Variants in STAG1 observed in about 807,000 individuals in gnomAD.
The protein encoded by STAG1 is STAG1 cohesin complex component.
STAG1 carries 26 observed loss-of-function variants against 170.9 expected under a neutral mutation model. That is an observed-to-expected ratio of 0.15 (90% CI 0.11 to 0.21). The LOEUF (loss-of-function observed/expected upper bound fraction) is 0.21, where lower values mean the gene tolerates loss of function less well. Ranked by LOEUF, STAG1 falls within the 10% of genes least tolerant of loss-of-function variation. The probability of loss-of-function intolerance (pLI) is 1.00; values close to 1 mark genes in which losing one functional copy is unlikely to be tolerated. For synonymous variants in STAG1, 514 were observed against 497.7 expected (o/e 1.03, Z -0.44); for missense variants, 964 against 1,509.5 (o/e 0.64, Z 5.99).
rs1334796368 is a variant in STAG1 at position 136,479,108 on chromosome 3, G to A, written c.903-1696C>T. Among the ~76,000 whole-genome samples, 7 of 140,124 alleles carry A rather than the reference G, an allele frequency of 5.0e-5. No homozygotes were observed. The Admixed American group carries it at 5.2e-4, about 10-fold the overall frequency. 91.9% of individuals were successfully genotyped at this position (140,124 alleles called of 152,430 possible). ...TTTTTTTATTATACTTTAAGTTTTA[G>A]GGTACATGTGCACATTGTGCAGGTT... On this transcript the variant is annotated intron_variant, in intron 9 of 33. Transcript: ENST00000383202.
chr3:136,646,211 CCTT>C (rs1448325613), intron 1 of STAG1, among the ~76,000 whole-genome samples: 2 of 152,130 alleles, frequency 1.3e-5, no homozygotes, highest in Non-Finnish European at 2.9e-5. Flanking sequence ...CACAAACACT[CCTT>C]CTAGGCTCAA....
chr3:136,587,433 G>A (rs143812596), intron 4 of STAG1, among the ~76,000 whole-genome samples: 8 of 151,402 alleles, frequency 5.3e-5, no homozygotes, highest in East Asian at 1.9e-4. Flanking sequence ...CCAGCTACTC[G>A]GGAGGCTGAG....
At position 136,452,100 on chromosome 3, in the gene STAG1, C is replaced by T. The variant is rs200947239; in HGVS notation, c.1361G>A (p.Arg454Lys). 2 of 1,613,562 alleles carry T rather than the reference C, an allele frequency of 1.2e-6. No individual in the cohort carries two copies. Among genetic ancestry groups the T allele is most frequent in the South Asian group, 1.1e-5 (1 of 91,040 alleles). Residue 454 changes from arginine (R) to lysine (K), a missense_variant, in exon 14 of 34, where the codon AGG (arginine) becomes AAG (lysine). By Grantham distance (26) the Arg-to-Lys change is conservative. This residue lies in a region of STAG1 where 162 missense variants were observed against 211.2 expected (regional missense o/e 0.77). Coordinates refer to ENST00000383202, the MANE Select transcript of STAG1 (RefSeq NM_005862.3). ...TCCATTCGGGCTGTTTCTTCCCCTC[C>T]TCTTTGCTAATGCTTCTTCTGCTTG... ...DPQAEEALAK[R>K]RGRNSPNGNL...
intron 4 of STAG1, among the ~76,000 whole-genome samples, chr3:136,569,529 C>G (rs1937196257): frequency 6.6e-6 from 1 of 151,326 alleles, no homozygotes; most frequent in Admixed American, 6.6e-5. Flanking sequence ...AATTAAAGAA[C>G]AAGGCAAGGA....
At chr3:136,532,264 G>A (rs1376166596) in intron 6 of STAG1, among the ~76,000 whole-genome samples, 2 of 152,078 alleles carry the variant, frequency 1.3e-5, no homozygotes, top group African/African-American at 4.8e-5. Flanking sequence ...GATGTCTGTT[G>A]ACTTTGGTTT....
Position 136,630,986 on chromosome 3 carries a change from C to A in STAG1, c.-83-5G>T. 8.1e-7 allele frequency: 1 copy of A among 1,231,250 alleles called. No individual in the cohort carries two copies. Among genetic ancestry groups the A allele is most frequent in the Non-Finnish European group, 1.1e-6 (1 of 891,934 alleles). The allele number at this position is 1,231,250 out of a possible 1,614,324, so 76.3% of individuals were successfully genotyped here. A position where few individuals can be genotyped will look rare whatever the true frequency, so the allele number is the denominator to read the frequency against. On this transcript the variant is annotated splice_region_variant and splice_polypyrimidine_tract_variant and intron_variant, in intron 1 of 33. Transcript: ENST00000383202. ...AAAATAACCTCAAAGGCAATCCTGTCAATTAAAAAAAAGAAATTATTTTAA... is the reference window on the plus strand; with the variant it reads ...AAAATAACCTCAAAGGCAATCCTGTAAATTAAAAAAAAGAAATTATTTTAA...
intron 22 of STAG1, among the ~76,000 whole-genome samples, chr3:136,380,877 G>A (rs941156283): frequency 2.0e-5 from 3 of 151,446 alleles, no homozygotes; most frequent in Non-Finnish European, 2.9e-5. Flanking sequence ...AAAATGAGCC[G>A]GGCGTGGTGG....
chr3:136,576,152 T>A lies in STAG1; in HGVS notation c.298-7291A>T, dbSNP rs534478091. 4.6e-5 allele frequency among the ~76,000 whole-genome samples: 7 copies of A among 152,310 alleles called. No individual in the cohort carries two copies. In the South Asian group the frequency reaches 1.4e-3, roughly 32 times the overall value. The stretch of plus-strand genomic sequence containing the variant: ...ATGATAGTATATCCATACAGTAGAA[T>A]GAAATGTAACTAGTAATACAAATGA... On this transcript the variant is annotated intron_variant, in intron 4 of 33. Transcript: ENST00000383202.
chr3:136,723,375 C>G (rs1385348908), intron 1 of STAG1, among the ~76,000 whole-genome samples: 1 of 151,586 alleles, frequency 6.6e-6, no homozygotes, highest in Non-Finnish European at 1.5e-5. Context: ...GCACCTCTAC[C>G]CGGCCGCGAC....
At chr3:136,639,687 ATAAG>A (rs1404119572) in intron 1 of STAG1, among the ~76,000 whole-genome samples, 5 of 152,198 alleles carry the variant, frequency 3.3e-5, no homozygotes, top group Non-Finnish European at 7.3e-5. Flanking sequence ...CCTTACCAAA[ATAAG>A]TAAGTTTGTA....
intron 21 of STAG1, among the ~76,000 whole-genome samples, chr3:136,409,468 C>T (rs2107709287): frequency 6.6e-6 from 1 of 152,080 alleles, no homozygotes; most frequent in Admixed American, 6.5e-5. Context: ...TCCCGAGTAG[C>T]TGGGATTACA....
intron 4 of STAG1, among the ~76,000 whole-genome samples, chr3:136,591,751 AG>A (rs1171426104): frequency 6.6e-6 from 1 of 152,234 alleles, no homozygotes; most frequent in African/African-American, 2.4e-5. Context: ...GATAATTAAA[AG>A]AACTAAATGC....
At chr3:136,522,662 T>A (rs1416075385) in intron 6 of STAG1, among the ~76,000 whole-genome samples, 1 of 152,118 alleles carries the variant, frequency 6.6e-6, no homozygotes, top group African/African-American at 2.4e-5. Context: ...GTTGGTGTGC[T>A]GCACCCATTA....
At chr3:136,418,291 C>G (rs978347473) in intron 20 of STAG1, among the ~76,000 whole-genome samples, 31 of 130,316 alleles carry the variant, frequency 2.4e-4, no homozygotes, top group African/African-American at 8.6e-4. Flanking sequence ...ACCCAGGACA[C>G]GGAGGTTGCA....
At chr3:136,498,245 T>TATATATATATACACACAC (rs1933247318) in intron 9 of STAG1, among the ~76,000 whole-genome samples, 1 of 68,258 alleles carries the variant, frequency 1.5e-5, no homozygotes, top group Non-Finnish European at 2.6e-5. Flanking sequence ...CACATACATA[T>TATATATATATACACACAC]ACATACACAC....
intron 7 of STAG1, among the ~76,000 whole-genome samples, chr3:136,515,828 G>T (rs886151585): frequency 6.6e-6 from 1 of 152,092 alleles, no homozygotes; most frequent in Non-Finnish European, 1.5e-5. Flanking sequence ...AGTGGTATTT[G>T]CAGATTTCAC....
At chr3:136,370,406 A>T (rs1229461659) in intron 23 of STAG1, among the ~76,000 whole-genome samples, 2 of 152,150 alleles carry the variant, frequency 1.3e-5, no homozygotes, top group Non-Finnish European at 2.9e-5. Flanking sequence ...CATGTGCACA[A>T]CGTGCAGGTT....
chr3:136,430,425 C>A (rs1378400173), intron 16 of STAG1, among the ~76,000 whole-genome samples: 1 of 151,922 alleles, frequency 6.6e-6, no homozygotes, highest in African/African-American at 2.4e-5. Context: ...AGCAATTTTG[C>A]TCCAATATAG....
intron 1 of STAG1, among the ~76,000 whole-genome samples, chr3:136,667,739 G>C (rs1452680177): frequency 6.6e-6 from 1 of 152,104 alleles, no homozygotes; most frequent in Non-Finnish European, 1.5e-5. Context: ...CAAGTGATCT[G>C]CCCGCCTTGG....
Sources: allele counts gnomAD v4.1 joint callset (sites outside exome capture counted in the v4.1 genomes callset), GRCh38; gene constraint gnomAD v4.1.1; regional missense constraint gnomAD v4.1.1; transcripts MANE v1.5; gene names NCBI Gene and HGNC (gene_info 2026-07-23, HGNC 2026-07-21).